MT1H: variants seen among roughly 807,000 people sequenced by gnomAD.
The protein encoded by MT1H is metallothionein 1H.
MT1H carries 8 observed loss-of-function variants against 8.7 expected under a neutral mutation model. That is an observed-to-expected ratio of 0.92 (90% CI 0.54 to 1.66). The LOEUF is 1.66. Ranked by LOEUF, MT1H falls within the 40% of genes most tolerant of loss-of-function variation. The probability of loss-of-function intolerance (pLI) is 0.00; values close to 1 mark genes in which losing one functional copy is unlikely to be tolerated. For missense variants in MT1H, 84 were observed against 75.2 expected, an observed-to-expected ratio of 1.12 and a Z score of -0.43; for synonymous variants, 32 against 28.9, an observed-to-expected ratio of 1.11 and a Z score of -0.34.
In MT1H at chr16:56,670,503, C is replaced by A; in HGVS notation, c.29-3C>A. The A allele has an allele frequency of 2.5e-6, 4 of 1,614,272 alleles. No individual in the cohort carries two copies. Among genetic ancestry groups the A allele is most frequent in the Non-Finnish European group, 3.4e-6 (4 of 1,180,052 alleles). On this transcript the variant is annotated splice_region_variant and splice_polypyrimidine_tract_variant and intron_variant, in intron 1 of 2. Coordinates refer to ENST00000332374, the MANE Select transcript of MT1H (RefSeq NM_005951.2). Reference sequence around the variant, plus strand: ...ACACACTGGCTTTTTCTATTCCTTGCAGGTGGCTCCTGCGCCTGCGCCGGC... The same window carrying A: ...ACACACTGGCTTTTTCTATTCCTTGAAGGTGGCTCCTGCGCCTGCGCCGGC...
intron 1 of MT1H, among the ~76,000 whole-genome samples, chr16:56,670,131 T>C (rs1282583275): frequency 6.6e-6 from 1 of 152,186 alleles, no homozygotes; most frequent in Non-Finnish European, 1.5e-5. Context: ...GCTGTCCTGC[T>C]CCACATCACC....
Position 56,670,973 on chromosome 16 carries a change from G to T in MT1H, c.170G>T (p.Cys57Phe), listed in dbSNP as rs548376452. Residue 57 changes from cysteine to phenylalanine, a missense_variant, in exon 3 of 3, where the codon TGC (cysteine) becomes TTC (phenylalanine). Cys to Phe is a radical substitution (Grantham distance 205). Transcript: ENST00000332374. ...ATCTGCAAAGGGGCGTCAGAGAAGT[G>T]CAGCTGCTGTGCCTGATGTCGGGAC... is the stretch of plus-strand genomic sequence containing the variant. ...GCICKGASEK[C>F]SCCA 51 of 1,614,268 alleles carry T rather than the reference G, an allele frequency of 3.2e-5. No homozygotes were observed. The African/African-American group carries it at 6.0e-4, about 19-fold the overall frequency.
chr16:56,670,855 C>T (rs1288574279), intron 2 of MT1H, 43 bp from the exon 3 acceptor site: 4 of 1,611,866 alleles, frequency 2.5e-6, no homozygotes, highest in Non-Finnish European at 3.4e-6. Flanking sequence ...GAGGGAGCTC[C>T]CTGGTCAAGT....
At chr16:56,670,754 C>G (rs1370811681) in intron 2 of MT1H, 144 bp from the exon 3 acceptor site, 1 of 1,489,198 alleles carries the variant, frequency 6.7e-7, no homozygotes, top group Admixed American at 1.8e-5. Flanking sequence ...ACCCCAATAT[C>G]CACCAGTCGT....
chr16:56,670,421 G>A, intron 1 of MT1H, 85 bp from the exon 2 acceptor site: 2 of 1,594,956 alleles, frequency 1.3e-6, no homozygotes, highest in Non-Finnish European at 1.7e-6. Context: ...CCTGAACAGA[G>A]AAGGGGGAAG....
At chr16:56,670,763 G>T (rs552549467) in intron 2 of MT1H, 135 bp from the exon 3 acceptor site, 1 of 1,504,364 alleles carries the variant, frequency 6.6e-7, no homozygotes, top group Non-Finnish European at 9.2e-7. Flanking sequence ...TCCACCAGTC[G>T]TCTCCTGAAA....
At position 56,671,113 on chromosome 16, in the gene MT1H, T is replaced by G. The variant is rs1960868478; in HGVS notation, c.*124T>G. ...TTCTGTGAAATATGTGAATAATAAT[T>G]AAACACTTAGACTTGATTCCCGTTC... On this transcript the variant is annotated 3_prime_UTR_variant, in exon 3 of 3. Coordinates refer to ENST00000332374, the MANE Select transcript of MT1H (RefSeq NM_005951.2). The G allele has an allele frequency of 7.6e-7, 1 of 1,323,028 alleles. No individual in the cohort carries two copies. The highest frequency in any genetic ancestry group is 1.5e-5 in the African/African-American group (1 of 67,252). 82.0% of individuals were successfully genotyped at this position (1,323,028 alleles called of 1,614,324 possible).
At chr16:56,670,032 C>A in intron 1 of MT1H, 120 bp downstream of exon 1, 1 of 1,375,194 alleles carries the variant, frequency 7.3e-7, no homozygotes, top group Non-Finnish European at 1.0e-6. Context: ...TCTTTACTTC[C>A]TCCGCTGCTT....
At chr16:56,671,129 ATTCCCG>A (rs1353554221), downstream of MT1H, 1 of 1,245,750 alleles carries the variant, frequency 8.0e-7, no homozygotes, top group African/African-American at 1.5e-5. Flanking sequence ...CTTAGACTTG[ATTCCCG>A]TTCTGGTTCC....
chr16:56,669,874 C>T lies in MT1H; in HGVS notation c.-11C>T, dbSNP rs756024758. On this transcript the variant is annotated 5_prime_UTR_variant, in exon 1 of 3. Coordinates refer to ENST00000332374, the MANE Select transcript of MT1H (RefSeq NM_005951.2). The stretch of plus-strand genomic sequence containing the variant: ...TCTCGCTTGGGAACTCCAGTCTCAC[C>T]TCGGCTTGCAATGGACCCCAACTGC... 1.2e-5 allele frequency: 19 copies of T among 1,614,146 alleles called. No individual in the cohort carries two copies. The highest frequency in any genetic ancestry group is 1.7e-5 in the Admixed American group (1 of 60,018).
chr16:56,671,069 ATTTG>A lies in MT1H; in HGVS notation c.*81_*84del. Reference sequence around the variant, plus strand: ...TTTTTTTTTTCTACAACTCCGACTCATTTGCTACATTCCTTTTTTTCTGTGAAAT... The same window carrying A: ...TTTTTTTTTTCTACAACTCCGACTCACTACATTCCTTTTTTTCTGTGAAAT... On this transcript the variant is annotated 3_prime_UTR_variant, in exon 3 of 3. Coordinates refer to ENST00000332374, the MANE Select transcript of MT1H (RefSeq NM_005951.2). The A allele has an allele frequency of 1.3e-6, 2 of 1,512,990 alleles. No individual in the cohort carries two copies. Among genetic ancestry groups the A allele is most frequent in the Non-Finnish European group, 1.8e-6 (2 of 1,117,158 alleles). The allele number at this position is 1,512,990 out of a possible 1,614,324, so 93.7% of individuals were successfully genotyped here. A position where few individuals can be genotyped will look rare whatever the true frequency, so the allele number is the denominator to read the frequency against.
At chr16:56,670,745 C>T in intron 2 of MT1H, 153 bp from the exon 3 acceptor site, 1 of 1,484,974 alleles carries the variant, frequency 6.7e-7, no homozygotes, top group Non-Finnish European at 9.3e-7. Flanking sequence ...GGAAGACTCA[C>T]CCCAATATCC....
chr16:56,670,647 C>T, intron 2 of MT1H, 76 bp downstream of exon 2: 5 of 1,612,378 alleles, frequency 3.1e-6, no homozygotes, highest in African/African-American at 1.3e-5. Flanking sequence ...GCCCTGAGTG[C>T]CTGCTTCCTT....
chr16:56,670,919 T>C lies in MT1H; in HGVS notation c.116T>C (p.Leu39Pro), dbSNP rs747069573. The change falls in exon 3 of 3, where the codon CTG becomes CCG. Residue 39 changes from leucine (L) to proline (P), a missense_variant. Coordinates refer to ENST00000332374, the MANE Select transcript of MT1H (RefSeq NM_005951.2). Reference protein sequence around the residue: ...CKKSCCSCCPLGCAKCAQGCI... With the variant: ...CKKSCCSCCPPGCAKCAQGCI... ...CCAGGCTGCTGCTCCTGTTGCCCCC[T>C]GGGCTGTGCCAAGTGTGCCCAGGGC... 25 of 1,614,214 alleles carry C rather than the reference T, an allele frequency of 1.5e-5. No individual in the cohort carries two copies. The highest frequency in any genetic ancestry group is 2.1e-5 in the Non-Finnish European group (25 of 1,180,028).
At chr16:56,670,741 C>T in intron 2 of MT1H, 157 bp from the exon 3 acceptor site, 1 of 1,492,660 alleles carries the variant, frequency 6.7e-7, no homozygotes, top group South Asian at 1.2e-5. Context: ...CATAGGAAGA[C>T]TCACCCCAAT....
chr16:56,670,012 G>A (rs1960850631), intron 1 of MT1H, 100 bp downstream of exon 1: 1 of 1,509,612 alleles, frequency 6.6e-7, no homozygotes, highest in South Asian at 1.2e-5. Flanking sequence ...GATCTGAGCT[G>A]AAGAGGACTT....
At chr16:56,670,321 A>AT (rs1960854435) in intron 1 of MT1H, among the ~76,000 whole-genome samples, 185 bp from the exon 2 acceptor site, 7 of 152,024 alleles carry the variant, frequency 4.6e-5, no homozygotes, top group Admixed American at 4.6e-4. Context: ...TGGAATACAA[A>AT]CGGAGGGTGC....
chr16:56,670,430 A>G, intron 1 of MT1H, 76 bp from the exon 2 acceptor site: 13 of 1,603,838 alleles, frequency 8.1e-6, no homozygotes, highest in Non-Finnish European at 1.1e-5. Context: ...AGAAGGGGGA[A>G]GTGGACACTC....
chr16:56,670,416 A>G (rs1960855528), intron 1 of MT1H, 90 bp from the exon 2 acceptor site: 2 of 1,587,694 alleles, frequency 1.3e-6, no homozygotes, highest in Non-Finnish European at 1.7e-6. Flanking sequence ...CTGGCCCTGA[A>G]CAGAGAAGGG....
Sources: allele counts gnomAD v4.1 joint callset (sites outside exome capture counted in the v4.1 genomes callset), GRCh38; gene constraint gnomAD v4.1.1; transcripts MANE v1.5; gene names NCBI Gene and HGNC (gene_info 2026-07-23, HGNC 2026-07-21).